The following TC2N variants were observed in gnomAD, a reference collection of about 807,000 sequenced individuals.
The protein encoded by TC2N is tandem C2 domains nuclear protein.
A neutral mutation model predicts 61.9 loss-of-function variants in TC2N; 51 were observed. That is an observed-to-expected ratio of 0.82 (90% CI 0.66 to 1.04). The LOEUF (loss-of-function observed/expected upper bound fraction) is 1.04, where lower values mean the gene tolerates loss of function less well. Among genes scored for constraint, TC2N ranks in the 50% least tolerant of loss-of-function variants. The probability of loss-of-function intolerance (pLI) is 0.00; values close to 1 mark genes in which losing one functional copy is unlikely to be tolerated. For missense variants in TC2N, 556 were observed against 566.7 expected (o/e 0.98, Z 0.19); for synonymous variants, 204 against 192.6 (o/e 1.06, Z -0.49).
intron 1 of TC2N, among the ~76,000 whole-genome samples, chr14:91,841,579 C>T (rs1447252039): frequency 6.6e-6 from 1 of 152,164 alleles, no homozygotes. Context: ...AACTCTAGTC[C>T]CTGCTGGCCA....
intron 3 of TC2N, among the ~76,000 whole-genome samples, chr14:91,810,746 A>G (rs1886725985): frequency 6.6e-6 from 1 of 152,108 alleles, no homozygotes; most frequent in South Asian, 2.1e-4. Context: ...AAAAAATGCA[A>G]TGTCTAAAAT....
intron 1 of TC2N, among the ~76,000 whole-genome samples, chr14:91,855,633 C>T (rs1179662718): frequency 6.6e-6 from 1 of 152,228 alleles, no homozygotes; most frequent in African/African-American, 2.4e-5. Context: ...AATGAGGTCA[C>T]GTTCTGATGT....
At chr14:91,789,729 G>T (rs1885555322) in intron 9 of TC2N, among the ~76,000 whole-genome samples, 1 of 151,884 alleles carries the variant, frequency 6.6e-6, no homozygotes, top group Admixed American at 6.6e-5. Flanking sequence ...TTCAGATCAT[G>T]AAAAACTATT....
chr14:91,826,229 AG>A (rs1299271877), intron 1 of TC2N, among the ~76,000 whole-genome samples: 1 of 150,446 alleles, frequency 6.6e-6, no homozygotes, highest in Non-Finnish European at 1.5e-5. Flanking sequence ...CTGAGGTGGG[AG>A]GATCACTTCA....
intron 1 of TC2N, among the ~76,000 whole-genome samples, chr14:91,832,793 T>G (rs993966897): frequency 6.6e-6 from 1 of 152,044 alleles, no homozygotes; most frequent in Admixed American, 6.5e-5. Flanking sequence ...AAAAATTAAA[T>G]TTAAAAGCAA....
chr14:91,826,275 G>T (rs903051511), intron 1 of TC2N, among the ~76,000 whole-genome samples: 2 of 143,308 alleles, frequency 1.4e-5, no homozygotes. Context: ...AGCCGTGATC[G>T]CATCACTGCA....
At chr14:91,785,662 A>C (rs1171730371) in intron 10 of TC2N, among the ~76,000 whole-genome samples, 1 of 152,124 alleles carries the variant, frequency 6.6e-6, no homozygotes, top group Non-Finnish European at 1.5e-5. Context: ...TGCACACTGA[A>C]AAGGATCACA....
chr14:91,794,307 G>C (rs1260653523), intron 8 of TC2N, among the ~76,000 whole-genome samples: 3 of 152,220 alleles, frequency 2.0e-5, no homozygotes, highest in Non-Finnish European at 4.4e-5. Flanking sequence ...AGAAGATCTA[G>C]TTAAGAAGGT....
Position 91,783,141 on chromosome 14 carries a change from C to T in TC2N, c.1432G>A (p.Glu478Lys). The change falls in exon 12 of 12, where the codon GAA becomes AAA. Residue 478 changes from glutamate (E) to lysine (K), a missense_variant. Physicochemically the swap from Glu to Lys is moderately conservative, Grantham distance 56. Coordinates refer to ENST00000435962, the MANE Select transcript of TC2N (RefSeq NM_001128596.3). ...TTGTGCCACCTGATAACAACCTTTT[C>T]TGGATTTATTACTGTCTCTTTCCAC... ...NQWKETVINP[E>K]KVVIRWHKLN... 6.2e-7 allele frequency: 1 copy of T among 1,611,838 alleles called. No homozygotes were observed. Among genetic ancestry groups the T allele is most frequent in the Non-Finnish European group, 8.5e-7 (1 of 1,178,584 alleles).
chr14:91,791,295 T>C (rs1358555887), intron 9 of TC2N, among the ~76,000 whole-genome samples: 2 of 152,186 alleles, frequency 1.3e-5, no homozygotes, highest in Admixed American at 6.5e-5. Context: ...AGTTTATGTA[T>C]GGGCATTTTT....
chr14:91,814,895 C>T (rs550120893), intron 1 of TC2N, among the ~76,000 whole-genome samples: 1 of 151,534 alleles, frequency 6.6e-6, no homozygotes, highest in East Asian at 1.9e-4. Flanking sequence ...CAGATGTAAG[C>T]TAGATTTAAT....
chr14:91,794,939 A>G (rs762437422), intron 8 of TC2N, among the ~76,000 whole-genome samples: 1 of 152,208 alleles, frequency 6.6e-6, no homozygotes, highest in Non-Finnish European at 1.5e-5. Flanking sequence ...TTTAGATGCC[A>G]TTAAGAAAAT....
rs145728231 is a variant in TC2N at position 91,800,357 on chromosome 14, G to A, written c.485C>T (p.Thr162Met). Residue 162 changes from threonine to methionine, a missense_variant, in exon 5 of 12, where the codon ACG becomes ATG. Coordinates refer to ENST00000435962, the MANE Select transcript of TC2N (RefSeq NM_001128596.3). ...RLYGSVCDLR[T>M]NKLPGSPGLS... ...CCCAGGGGAACCGGGAAGTTTGTTCGTCCTTAAATCACAAACTACAAAGGG... is the reference window on the plus strand; with the variant it reads ...CCCAGGGGAACCGGGAAGTTTGTTCATCCTTAAATCACAAACTACAAAGGG... 108 of 1,598,514 alleles carry A rather than the reference G, an allele frequency of 6.8e-5. No homozygotes were observed. Among genetic ancestry groups the A allele is most frequent in the African/African-American group, 9.4e-5 (7 of 74,326 alleles).
At chr14:91,821,083 T>C (rs965997684) in intron 1 of TC2N, among the ~76,000 whole-genome samples, 1 of 152,006 alleles carries the variant, frequency 6.6e-6, no homozygotes, top group Non-Finnish European at 1.5e-5. Flanking sequence ...ACACAATCTC[T>C]ACCAAAATCC....
intron 1 of TC2N, among the ~76,000 whole-genome samples, chr14:91,820,703 T>A (rs201017797): frequency 4.1e-5 from 6 of 147,600 alleles, no homozygotes; most frequent in Non-Finnish European, 6.0e-5. Flanking sequence ...ATCTTGTAAA[T>A]AAAAAAAAAA....
intron 1 of TC2N, among the ~76,000 whole-genome samples, chr14:91,857,447 G>A (rs1354300062): frequency 3.3e-5 from 5 of 152,172 alleles, no homozygotes; most frequent in African/African-American, 9.7e-5. Flanking sequence ...TGAATGGCTT[G>A]GGTATTTGGA....
At chr14:91,821,074 C>A (rs1326329627) in intron 1 of TC2N, among the ~76,000 whole-genome samples, 1 of 151,934 alleles carries the variant, frequency 6.6e-6, no homozygotes, top group Non-Finnish European at 1.5e-5. Context: ...ACAGATTCAA[C>A]ACAATCTCTA....
chr14:91,803,210 T>G (rs960976274), intron 3 of TC2N, among the ~76,000 whole-genome samples: 1 of 151,848 alleles, frequency 6.6e-6, no homozygotes, highest in Non-Finnish European at 1.5e-5. Context: ...ACTAAAGATA[T>G]TCACAAAAAA....
chr14:91,833,602 G>A (rs147799500), intron 1 of TC2N, among the ~76,000 whole-genome samples: 1 of 152,124 alleles, frequency 6.6e-6, no homozygotes, highest in Non-Finnish European at 1.5e-5. Flanking sequence ...ACTCCTTTTG[G>A]ATCCATCCCT....
Sources: gnomAD v4.1 joint callset for allele counts (sites outside exome capture counted in the v4.1 genomes callset) on GRCh38, gnomAD v4.1.1 for gene constraint, MANE v1.5 for transcripts, NCBI Gene and HGNC (gene_info 2026-07-23, HGNC 2026-07-21) for gene names.